SPOCD1: variants seen among roughly 807,000 people sequenced by gnomAD.
The protein encoded by SPOCD1 is SPOC domain-containing protein 1.
In SPOCD1, 64 loss-of-function variants were observed where a neutral mutation model predicts 92.2. The ratio of observed to expected loss-of-function variants is 0.69; its 90% CI spans 0.57 to 0.86. SPOCD1 has a LOEUF of 0.86. Among genes scored for constraint, SPOCD1 ranks in the 40% least tolerant of loss-of-function variants. The pLI, the probability that SPOCD1 is intolerant of heterozygous loss-of-function variation, is 0.00. For synonymous variants in SPOCD1, 578 were observed against 619.3 expected (o/e 0.93, Z 0.99); for missense variants, 1,360 against 1,543.1 (o/e 0.88, Z 1.99).
rs1648214435 is a variant in SPOCD1 at position 31,798,746 on chromosome 1, C to T, written c.1869-145G>A. ...GTTTCCCTGCAGGAACCTACTTATT[C>T]TCACCCCAACTCCGTGAGGAGGAAA... On this transcript the variant is annotated intron_variant, in intron 7 of 15. Transcript: ENST00000360482. This position sits in a 1 kb window ranked among gnomAD's most constrained non-coding sequence, Gnocchi z 4.1. 2 of 763,248 alleles carry T rather than the reference C, an allele frequency of 2.6e-6. No homozygotes were observed. The highest frequency in any genetic ancestry group is 4.2e-6 in the Non-Finnish European group (2 of 480,670). 47.3% of individuals were successfully genotyped at this position (763,248 alleles called of 1,614,324 possible). A position where few individuals can be genotyped will look rare whatever the true frequency, so the allele number is the denominator to read the frequency against.
At position 31,799,500 on chromosome 1, in the gene SPOCD1, C is replaced by T. The variant is rs41306617; in HGVS notation, c.1784-15G>A. The T allele has an allele frequency of 8.6e-3, 13,726 of 1,604,184 alleles. 73 individuals carry two copies. The highest frequency in any genetic ancestry group is 0.01 in the Non-Finnish European group (11,822 of 1,174,822). ...TTGGAGCTGAGCTGTAGGGAGAGAG[C>T]GTCACAGGCTCCCAGGGGTGCCCAG... On this transcript the variant is annotated splice_polypyrimidine_tract_variant and intron_variant, in intron 6 of 15. Transcript: ENST00000360482.
chr1:31,809,320 G>A (rs1649043049), intron 2 of SPOCD1, among the ~76,000 whole-genome samples: 1 of 152,190 alleles, frequency 6.6e-6, no homozygotes, highest in Admixed American at 6.5e-5. Context: ...AAGGGCTGGT[G>A]AAGATGTGAA....
intron 9 of SPOCD1, 42 bp from the exon 10 acceptor site, chr1:31,796,757 C>A (rs147209271): frequency 0.01 from 16,422 of 1,612,214 alleles, 109 homozygotes; most frequent in Non-Finnish European, 0.013. Flanking sequence ...AGTTAGGGGG[C>A]CTCTGGCCAT....
Position 31,800,004 on chromosome 1 carries a change from A to G in SPOCD1, c.1728+12T>C. ...AGTGAAGGAGGCACATGGCCGGGGC[A>G]GAACAACTTGCCTGGGAACATGCAG... On this transcript the variant is annotated intron_variant, in intron 5 of 15. Coordinates refer to ENST00000360482, the MANE Select transcript of SPOCD1 (RefSeq NM_144569.7). 1 of 1,611,762 alleles carries G rather than the reference A, an allele frequency of 6.2e-7. No homozygotes were observed. Among genetic ancestry groups the G allele is most frequent in the Non-Finnish European group, 8.5e-7 (1 of 1,178,832 alleles).
At chr1:31,799,329 G>T in intron 7 of SPOCD1, 72 bp downstream of exon 7, 1 of 1,343,108 alleles carries the variant, frequency 7.4e-7, no homozygotes, top group Non-Finnish European at 1.0e-6. Flanking sequence ...TTAGAACATG[G>T]CAGGGCCCCG....
At chr1:31,799,133 T>C (rs1648245622) in intron 7 of SPOCD1, among the ~76,000 whole-genome samples, 1 of 152,114 alleles carries the variant, frequency 6.6e-6, no homozygotes, top group Admixed American at 6.5e-5. Flanking sequence ...GTGAAAGCAT[T>C]TGCTGCGGGT....
chr1:31,798,288 G>A lies in SPOCD1; in HGVS notation c.2064C>T (p.Thr688=), dbSNP rs1291425671. ...AGCTCATCCGCACCAGGTCGTAGGG[G>A]GTGACATCTCCATGAACCACTTTGA... ...LFLKVVHGDV[T]PYDLVRMSSM... is the part of the protein sequence containing the mutation. Residue 688 remains threonine (T), a synonymous_variant, in exon 9 of 16, where the codon ACC becomes ACT. Transcript: ENST00000360482. This position sits in a 1 kb window ranked among gnomAD's most constrained non-coding sequence, Gnocchi z 4.1. The A allele has an allele frequency of 1.2e-6, 2 of 1,613,848 alleles. No individual in the cohort carries two copies. The highest frequency in any genetic ancestry group is 2.7e-5 in the African/African-American group (2 of 74,916).
chr1:31,799,993 A>C (rs997377571), intron 5 of SPOCD1, 23 bp downstream of exon 5: 1 of 1,611,320 alleles, frequency 6.2e-7, no homozygotes, highest in Non-Finnish European at 8.5e-7. Context: ...AAGGAGGCAC[A>C]TGGCCGGGGC....
At chr1:31,812,379 C>T (rs1649256679) in intron 2 of SPOCD1, among the ~76,000 whole-genome samples, 1 of 152,162 alleles carries the variant, frequency 6.6e-6, no homozygotes, top group South Asian at 2.1e-4. Context: ...CAAATACATC[C>T]ATAGACAGCT....
At chr1:31,796,051 TGAGGATGGAGC>T in intron 10 of SPOCD1, 16 of 186,594 alleles carry the variant, frequency 8.6e-5, no homozygotes, top group South Asian at 5.5e-4. Flanking sequence ...AGGATGGACA[TGAGGATGGAGC>T]AGATCCTCAG....
intron 2 of SPOCD1, among the ~76,000 whole-genome samples, chr1:31,811,097 C>A (rs866525820): frequency 2.5e-4 from 38 of 152,202 alleles, no homozygotes; most frequent in Middle Eastern, 3.2e-3. Context: ...AGACTCCTGG[C>A]AGTTCTGGGG....
At position 31,796,514 on chromosome 1, in the gene SPOCD1, C is replaced by T. The variant is rs893437401; in HGVS notation, c.2271+76G>A. The T allele has an allele frequency of 3.7e-6, 6 of 1,612,088 alleles. No individual in the cohort carries two copies. The African/African-American group carries it at 4.0e-5, about 11-fold the overall frequency. ...AGCAGTCAGGTGACATGCCCAAGAC[C>T]ACACTGCTGGTGAGGCGAGGCGTGG... On this transcript the variant is annotated intron_variant, in intron 10 of 15. Transcript: ENST00000360482.
rs1330955037 is a variant in SPOCD1, at chr1:31,796,673, G to A, written c.2188C>T (p.Leu730Phe). Reference sequence around the variant, plus strand: ...TTGTGGGTCATTTTGGAGGCTGGAAGTCTGCACGGCTCCTTCTGTTGCTGC... The same window carrying A: ...TTGTGGGTCATTTTGGAGGCTGGAAATCTGCACGGCTCCTTCTGTTGCTGC... ...IEQQQKEPCRLPASKMTHKGE... is the reference protein window; with the variant it reads ...IEQQQKEPCRFPASKMTHKGE... The change falls in exon 10 of 16, where the codon CTT (leucine) becomes TTT (phenylalanine). Residue 730 changes from leucine to phenylalanine, a missense_variant. Physicochemically the swap from Leu to Phe is conservative, Grantham distance 22 (BLOSUM62 0). This residue lies in a region of SPOCD1 where 614 missense variants were observed against 757.8 expected (regional missense o/e 0.81). Coordinates refer to ENST00000360482, the MANE Select transcript of SPOCD1 (RefSeq NM_144569.7). The A allele has an allele frequency of 6.2e-7, 1 of 1,614,114 alleles. No homozygotes were observed. Among genetic ancestry groups the A allele is most frequent in the East Asian group, 2.2e-5 (1 of 44,890 alleles).
At chr1:31,809,957 G>A (rs927234716) in intron 2 of SPOCD1, among the ~76,000 whole-genome samples, 2 of 152,142 alleles carry the variant, frequency 1.3e-5, no homozygotes, top group African/African-American at 4.8e-5. Flanking sequence ...ACTCCAAGCT[G>A]CCTCTTGCAA....
chr1:31,812,058 G>C (rs945396481), intron 2 of SPOCD1, among the ~76,000 whole-genome samples: 1 of 152,210 alleles, frequency 6.6e-6, no homozygotes, highest in African/African-American at 2.4e-5. Context: ...AATTGCTTAT[G>C]TCACTAACAG....
At position 31,797,615 on chromosome 1, in the gene SPOCD1, C is replaced by T. The variant is rs1048250869; in HGVS notation, c.2145+592G>A. Among the ~76,000 whole-genome samples the T allele has an allele frequency of 7.9e-5, 12 of 152,330 alleles. No homozygotes were observed. In the South Asian group the frequency reaches 8.3e-4, roughly 11 times the overall value. Reference sequence around the variant, plus strand: ...TTCCAGAGCAGGGGCTGGAGTGCCTCGCCCCATCCCAGTGGCCTCAGCCCC... The same window carrying T: ...TTCCAGAGCAGGGGCTGGAGTGCCTTGCCCCATCCCAGTGGCCTCAGCCCC... On this transcript the variant is annotated intron_variant, in intron 9 of 15. Coordinates refer to ENST00000360482, the MANE Select transcript of SPOCD1 (RefSeq NM_144569.7).
chr1:31,812,397 A>G (rs2149120498), intron 2 of SPOCD1, among the ~76,000 whole-genome samples: 1 of 152,322 alleles, frequency 6.6e-6, no homozygotes, highest in Admixed American at 6.5e-5. Flanking sequence ...GCTATGATGC[A>G]GGGCTCAGGA....
At chr1:31,806,089 A>G (rs1648800005) in intron 2 of SPOCD1, among the ~76,000 whole-genome samples, 1 of 151,984 alleles carries the variant, frequency 6.6e-6, no homozygotes, top group Non-Finnish European at 1.5e-5. Context: ...TAAGCATCTA[A>G]TAGCATAAGC....
In SPOCD1 at chr1:31,800,557, G is replaced by A; in HGVS notation, c.1486C>T (p.Gln496Ter). The change falls in exon 4 of 16, where the codon CAG (glutamine) becomes TAG (stop). Residue 496 changes from glutamine to a stop codon, truncating the protein, a stop_gained. Coordinates refer to ENST00000360482, the MANE Select transcript of SPOCD1 (RefSeq NM_144569.7). LOFTEE classifies it high-confidence loss of function. ...GAISHGQAGG[Q>*]LPPKLEVLED... ...AGAACCTCCAGCTTTGGTGGCAGCT[G>A]CCCCCCTGCCTGGCCGTGGCTGATG... The A allele has an allele frequency of 6.2e-7, 1 of 1,610,756 alleles. No homozygotes were observed. Among genetic ancestry groups the A allele is most frequent in the Non-Finnish European group, 8.5e-7 (1 of 1,178,856 alleles).
Sources: allele counts gnomAD v4.1 joint callset (sites outside exome capture counted in the v4.1 genomes callset), GRCh38; gene constraint gnomAD v4.1.1; regional missense constraint gnomAD v4.1.1; non-coding constraint Gnocchi (gnomAD v3.1); transcripts MANE v1.5; gene names NCBI Gene and HGNC (gene_info 2026-07-23, HGNC 2026-07-21).